ZFPM2: variants seen among roughly 807,000 people sequenced by gnomAD.
The protein encoded by ZFPM2 is zinc finger protein ZFPM2.
ZFPM2 carries 20 observed loss-of-function variants against 98.6 expected under a neutral mutation model. That is an observed-to-expected ratio of 0.20 (90% CI 0.14 to 0.29). ZFPM2 has a LOEUF of 0.29. ZFPM2 is among the 10% of genes least tolerant of loss of function. The probability of loss-of-function intolerance (pLI) is 1.00; values close to 1 mark genes in which losing one functional copy is unlikely to be tolerated. For synonymous variants in ZFPM2, 518 were observed against 502.7 expected, an observed-to-expected ratio of 1.03 and a Z score of -0.41; for missense variants, 1,310 against 1,388.6, an observed-to-expected ratio of 0.94 and a Z score of 0.90.
intron 1 of ZFPM2, among the ~76,000 whole-genome samples, chr8:105,378,953 A>G (rs1166877659): frequency 6.6e-6 from 1 of 152,118 alleles, no homozygotes; most frequent in Non-Finnish European, 1.5e-5. Flanking sequence ...TAGGACCTAA[A>G]ATTGACATAG....
intron 5 of ZFPM2, among the ~76,000 whole-genome samples, chr8:105,720,104 G>A (rs1811622386): frequency 6.6e-6 from 1 of 151,836 alleles, no homozygotes; most frequent in Admixed American, 6.6e-5. Context: ...ATGCGATAAG[G>A]TCCTCTAGTA....
chr8:105,768,179 C>G (rs1812898160), intron 5 of ZFPM2, among the ~76,000 whole-genome samples: 1 of 150,464 alleles, frequency 6.6e-6, no homozygotes, highest in Non-Finnish European at 1.5e-5. Context: ...TTGATTTGTG[C>G]ATTTGTCCTT....
intron 4 of ZFPM2, among the ~76,000 whole-genome samples, chr8:105,571,782 G>A (rs1337905139): frequency 2.6e-5 from 4 of 152,018 alleles, no homozygotes; most frequent in African/African-American, 7.2e-5. Context: ...AATTACTTAG[G>A]GATAATGCTT....
chr8:105,515,052 C>T (rs1333274114), intron 3 of ZFPM2, among the ~76,000 whole-genome samples: 1 of 151,976 alleles, frequency 6.6e-6, no homozygotes, highest in South Asian at 2.1e-4. Flanking sequence ...TTTAGTAACT[C>T]GGGAAGCTTT....
At chr8:105,621,104 T>C (rs942615918) in intron 4 of ZFPM2, among the ~76,000 whole-genome samples, 2 of 152,216 alleles carry the variant, frequency 1.3e-5, no homozygotes, top group Admixed American at 1.3e-4. Context: ...GCATTCAATC[T>C]ATAAATTACC....
intron 5 of ZFPM2, among the ~76,000 whole-genome samples, chr8:105,648,738 T>G (rs1817106149): frequency 6.6e-6 from 1 of 152,216 alleles, no homozygotes; most frequent in African/African-American, 2.4e-5. Flanking sequence ...TTGGTCTGTA[T>G]CTCTGTTTTG....
intron 2 of ZFPM2, among the ~76,000 whole-genome samples, chr8:105,434,529 T>G (rs576603505): frequency 3.3e-5 from 5 of 152,338 alleles, no homozygotes; most frequent in Admixed American, 1.3e-4. Flanking sequence ...TCATCTCTTT[T>G]ATGACCTTAT....
intron 2 of ZFPM2, among the ~76,000 whole-genome samples, chr8:105,439,435 C>A (rs1030583039): frequency 4.6e-5 from 7 of 152,170 alleles, no homozygotes; most frequent in Admixed American, 1.3e-4. Flanking sequence ...CTTGTACAAA[C>A]TGCTGTTTTT....
Position 105,663,680 on chromosome 8 carries a change from G to A in ZFPM2, c.532+29323G>A, listed in dbSNP as rs540166633. ...TGTATGCGTCAGTCATATGGGGTAG[G>A]TGTTGACCCATTTTACACAAAAGAA... On this transcript the variant is annotated intron_variant, in intron 5 of 7. Transcript: ENST00000407775. 7.2e-5 allele frequency among the ~76,000 whole-genome samples: 11 copies of A among 152,308 alleles called. No homozygotes were observed. The East Asian group carries it at 1.9e-3, about 27-fold the overall frequency.
chr8:105,644,514 T>C (rs1392737985), intron 5 of ZFPM2, among the ~76,000 whole-genome samples: 5 of 151,646 alleles, frequency 3.3e-5, no homozygotes, highest in South Asian at 4.2e-4. Flanking sequence ...CTTTCTGTTT[T>C]TCTCTCTCTC....
intron 5 of ZFPM2, among the ~76,000 whole-genome samples, chr8:105,779,158 CTTGT>C (rs1282211517): frequency 1.3e-5 from 2 of 152,012 alleles, no homozygotes; most frequent in African/African-American, 4.8e-5. Flanking sequence ...GGTTTGTTTG[CTTGT>C]TTGTTTTTAG....
intron 4 of ZFPM2, among the ~76,000 whole-genome samples, chr8:105,568,849 G>T (rs1285120862): frequency 6.6e-6 from 1 of 151,988 alleles, no homozygotes; most frequent in East Asian, 1.9e-4. Context: ...CACCTCCCCA[G>T]TTCTGACCCC....
chr8:105,392,315 C>G (rs1376123831), intron 1 of ZFPM2, among the ~76,000 whole-genome samples: 1 of 152,130 alleles, frequency 6.6e-6, no homozygotes, highest in Non-Finnish European at 1.5e-5. Flanking sequence ...GTGCTTTTAT[C>G]TATTCATTTA....
At chr8:105,451,505 C>T (rs558291241) in intron 3 of ZFPM2, 1 of 152,242 alleles carries the variant, frequency 6.6e-6, no homozygotes, top group Admixed American at 6.5e-5. Context: ...AAGATGAGGT[C>T]ATGGTAAAGT....
At chr8:105,612,782 G>A (rs1816333015) in intron 4 of ZFPM2, among the ~76,000 whole-genome samples, 1 of 152,094 alleles carries the variant, frequency 6.6e-6, no homozygotes. Flanking sequence ...AATTGTCTGT[G>A]TGCCTGTAAC....
intron 1 of ZFPM2, among the ~76,000 whole-genome samples, chr8:105,348,280 C>A (rs1170638923): frequency 7.9e-5 from 12 of 152,272 alleles, no homozygotes; most frequent in East Asian, 5.8e-4. Context: ...GTATGATTTT[C>A]TTTAAAGTCA....
At chr8:105,729,704 A>G (rs1811887848) in intron 5 of ZFPM2, among the ~76,000 whole-genome samples, 2 of 151,542 alleles carry the variant, frequency 1.3e-5, no homozygotes, top group African/African-American at 4.8e-5. Context: ...GCAAATTTCT[A>G]TCCTATGGTT....
intron 3 of ZFPM2, among the ~76,000 whole-genome samples, chr8:105,509,315 A>C (rs1403824354): frequency 6.6e-6 from 1 of 152,124 alleles, no homozygotes; most frequent in Non-Finnish European, 1.5e-5. Flanking sequence ...GCTTCCCTGC[A>C]GTGGAAGGGA....
At chr8:105,777,121 G>T (rs1813121949) in intron 5 of ZFPM2, among the ~76,000 whole-genome samples, 1 of 152,102 alleles carries the variant, frequency 6.6e-6, no homozygotes, top group South Asian at 2.1e-4. Context: ...AAAAGCATTT[G>T]GGAGAAAACC....
Sources: gnomAD v4.1 joint callset for allele counts (sites outside exome capture counted in the v4.1 genomes callset) on GRCh38, gnomAD v4.1.1 for gene constraint, MANE v1.5 for transcripts, NCBI Gene and HGNC (gene_info 2026-07-23, HGNC 2026-07-21) for gene names.